Variants in PRDM16 observed in about 807,000 individuals in gnomAD.
PRDM16 encodes the protein histone-lysine N-methyltransferase PRDM16.
PRDM16 carries 23 observed loss-of-function variants against 110.6 expected under a neutral mutation model. The observed-to-expected ratio is 0.21, with a 90% CI of 0.15 to 0.29. The LOEUF (loss-of-function observed/expected upper bound fraction) is 0.29, where lower values mean the gene tolerates loss of function less well. Among genes scored for constraint, PRDM16 ranks in the 10% least tolerant of loss-of-function variants. The pLI, the probability that PRDM16 is intolerant of heterozygous loss-of-function variation, is 1.00. For missense variants in PRDM16, 1,615 were observed against 1,794.3 expected (o/e 0.90, Z 1.81); for synonymous variants, 799 against 781.8 (o/e 1.02, Z -0.37).
Position 3,370,701 on chromosome 1 carries a change from A to G in PRDM16, c.439-14451A>G, listed in dbSNP as rs528905207. Among the ~76,000 whole-genome samples, 80 of 152,022 alleles carry G rather than the reference A, an allele frequency of 5.3e-4. 1 individual carries two copies. The highest frequency in any genetic ancestry group is 1.8e-3 in the African/African-American group (75 of 41,448). ...TGTCCTGTGCTCTGCCACCATGACA[A>G]CTCCTGGAATGGTGTTCCCTTGTGT... On this transcript the variant is annotated intron_variant, in intron 3 of 16. Coordinates refer to ENST00000270722, the MANE Select transcript of PRDM16 (RefSeq NM_022114.4). The surrounding 1 kb of genome is among the most constrained non-coding windows in gnomAD (Gnocchi z 4.8).
chr1:3,131,965 AT>A (rs1275193799), intron 1 of PRDM16, among the ~76,000 whole-genome samples: 11 of 152,240 alleles, frequency 7.2e-5, no homozygotes, highest in East Asian at 3.9e-4. Flanking sequence ...AACAATGACA[AT>A]TTTTTTTCAA....
Position 3,243,966 on chromosome 1 carries a change from G to A in PRDM16, c.388-121G>A, listed in dbSNP as rs1319112317. The A allele has an allele frequency of 2.2e-6, 2 of 915,452 alleles. No individual in the cohort carries two copies. The highest frequency in any genetic ancestry group is 4.9e-5 in the East Asian group (2 of 41,164). 56.7% of individuals were successfully genotyped at this position (915,452 alleles called of 1,614,324 possible). ...ACCCTTCATTTCCTGCTGTGGAGAA[G>A]CCACTGGGTCCCACCCTGTGACTTT... is the stretch of plus-strand genomic sequence containing the variant. On this transcript the variant is annotated intron_variant, in intron 2 of 16. Coordinates refer to ENST00000270722, the MANE Select transcript of PRDM16 (RefSeq NM_022114.4). The surrounding 1 kb of genome is among the most constrained non-coding windows in gnomAD (Gnocchi z 5.5).
rs751542963 is a variant in PRDM16, at chr1:3,412,480, C to T, written c.2283C>T (p.Ala761=). Residue 761 remains alanine, a synonymous_variant, in exon 9 of 17, where the codon GCC becomes GCT. Transcript: ENST00000270722. ...CCGAGCCAAAGTCACCCCGGGACGC[C>T]CTCAAGGTGGGCGGCCCCAGTGCCG... ...VKAEPKSPRD[A]LKVGGPSAEC... The T allele has an allele frequency of 3.8e-5, 62 of 1,613,356 alleles. No homozygotes were observed. Among genetic ancestry groups the T allele is most frequent in the Non-Finnish European group, 5.2e-5 (61 of 1,180,018 alleles).
At chr1:3,216,803 C>T (rs1478470277) in intron 2 of PRDM16, among the ~76,000 whole-genome samples, 1 of 152,218 alleles carries the variant, frequency 6.6e-6, no homozygotes, top group African/African-American at 2.4e-5. Context: ...TGGCCATCAG[C>T]ATGGAACTGG....
intron 3 of PRDM16, among the ~76,000 whole-genome samples, chr1:3,282,403 G>C (rs549206806): frequency 1.3e-5 from 2 of 152,298 alleles, no homozygotes; most frequent in East Asian, 3.9e-4. Context: ...CCCACTGTCG[G>C]GCTTAGGACA....
intron 10 of PRDM16, among the ~76,000 whole-genome samples, chr1:3,415,617 CG>C (rs1638225222): frequency 6.6e-6 from 1 of 152,226 alleles, no homozygotes; most frequent in Non-Finnish European, 1.5e-5. Flanking sequence ...TTTGTTTGTG[CG>C]GGGAGCGAGG....
At chr1:3,349,732 A>C (rs1368438715) in intron 3 of PRDM16, among the ~76,000 whole-genome samples, 1 of 152,102 alleles carries the variant, frequency 6.6e-6, no homozygotes, top group Non-Finnish European at 1.5e-5. Context: ...GGGGGTCTTC[A>C]AAGCTCCCTG....
chr1:3,237,073 C>T (rs1639555623), intron 2 of PRDM16, among the ~76,000 whole-genome samples: 1 of 152,138 alleles, frequency 6.6e-6, no homozygotes, highest in Non-Finnish European at 1.5e-5. Flanking sequence ...CTCCTCCGAG[C>T]AGACATGAGG....
chr1:3,115,152 T>C (rs911688693), intron 1 of PRDM16, among the ~76,000 whole-genome samples: 2 of 152,152 alleles, frequency 1.3e-5, no homozygotes, highest in African/African-American at 4.8e-5. Context: ...CGGTGAGTGG[T>C]TGGGGGGGCA....
chr1:3,426,330 C>T (rs967186104), intron 14 of PRDM16, 105 bp downstream of exon 14: 2 of 932,588 alleles, frequency 2.1e-6, no homozygotes, highest in Non-Finnish European at 3.2e-6. Flanking sequence ...GCCCCTAACA[C>T]ATCCAGATAG....
intron 2 of PRDM16, among the ~76,000 whole-genome samples, chr1:3,232,325 A>G (rs971321283): frequency 1.3e-5 from 2 of 152,200 alleles, no homozygotes; most frequent in Non-Finnish European, 2.9e-5. Context: ...GCCCTGTGAC[A>G]TTGGACGACT....
intron 3 of PRDM16, among the ~76,000 whole-genome samples, chr1:3,267,010 T>A (rs960466810): frequency 1.3e-5 from 2 of 152,216 alleles, no homozygotes; most frequent in Non-Finnish European, 2.9e-5. Context: ...CTTTTCTTTC[T>A]TTTCTTAAAC....
intron 1 of PRDM16, among the ~76,000 whole-genome samples, chr1:3,142,618 C>T (rs990734847): frequency 1.3e-5 from 2 of 152,116 alleles, no homozygotes; most frequent in Admixed American, 6.5e-5. Flanking sequence ...CTGCCACTGC[C>T]GTGTATGTTC....
chr1:3,078,894 T>C (rs1641956476), intron 1 of PRDM16, among the ~76,000 whole-genome samples: 1 of 152,250 alleles, frequency 6.6e-6, no homozygotes, highest in African/African-American at 2.4e-5. Context: ...GGGAACGCAT[T>C]GAAAAATGCC....
chr1:3,380,151 C>A (rs1300871815), intron 3 of PRDM16, among the ~76,000 whole-genome samples: 2 of 151,082 alleles, frequency 1.3e-5, no homozygotes, highest in African/African-American at 4.9e-5. Context: ...CCGGTGCATG[C>A]CCTTCCGGCA....
chr1:3,186,756 C>T (rs923513578), intron 2 of PRDM16, among the ~76,000 whole-genome samples: 3 of 152,206 alleles, frequency 2.0e-5, no homozygotes, highest in Admixed American at 6.5e-5. Flanking sequence ...CCGTGCTTCC[C>T]GCCGGATCCC....
chr1:3,093,404 C>T (rs1235416162), intron 1 of PRDM16, among the ~76,000 whole-genome samples: 1 of 152,190 alleles, frequency 6.6e-6, no homozygotes, highest in Non-Finnish European at 1.5e-5. Context: ...AGCTGGGACT[C>T]GGTCAGAAAC....
chr1:3,171,096 C>T (rs1169487148), intron 1 of PRDM16, among the ~76,000 whole-genome samples: 2 of 152,258 alleles, frequency 1.3e-5, no homozygotes, highest in Non-Finnish European at 1.5e-5. Context: ...CCTGCACCTT[C>T]CAGACTGACA....
At chr1:3,108,284 A>G (rs1268337800) in intron 1 of PRDM16, among the ~76,000 whole-genome samples, 1 of 152,202 alleles carries the variant, frequency 6.6e-6, no homozygotes, top group Non-Finnish European at 1.5e-5. Context: ...ACTTTCCATC[A>G]TGAAGTCCTT....
Sources: gnomAD v4.1 joint callset for allele counts (sites outside exome capture counted in the v4.1 genomes callset) on GRCh38, gnomAD v4.1.1 for gene constraint, Gnocchi (gnomAD v3.1) non-coding constraint, MANE v1.5 for transcripts, NCBI Gene and HGNC (gene_info 2026-07-23, HGNC 2026-07-21) for gene names.